Variants in PVT1 observed in about 807,000 individuals in gnomAD.
PVT1 encodes Pvt1 oncogene.
intron 2 of PVT1, among the ~76,000 whole-genome samples, chr8:127,826,014 C>CTTTTTTTTT (rs57575268): frequency 4.1e-4 from 37 of 89,654 alleles, no homozygotes; most frequent in Admixed American, 4.6e-4. Flanking sequence ...CCATGCCCAG[C>CTTTTTTTTT]TTTTTTTTTT....
intron 3 of PVT1, chr8:127,939,770 C>T (rs1286521659): frequency 6.6e-6 from 1 of 152,196 alleles, no homozygotes; most frequent in African/African-American, 2.4e-5. Context: ...GTACATTTTC[C>T]ACATACTTTC....
At chr8:127,985,525 G>C (rs936807632) in intron 3 of PVT1, among the ~76,000 whole-genome samples, 5 of 151,934 alleles carry the variant, frequency 3.3e-5, no homozygotes, top group Non-Finnish European at 5.9e-5. Flanking sequence ...TAACTGGTGG[G>C]GATCAGCTCA....
chr8:127,896,632 T>C (rs1278517202), intron 3 of PVT1, among the ~76,000 whole-genome samples: 1 of 151,834 alleles, frequency 6.6e-6, no homozygotes, highest in African/African-American at 2.4e-5. Context: ...GTATTTATTT[T>C]ATTTTAAGTT....
At chr8:127,859,559 T>C (rs957387108) in intron 2 of PVT1, among the ~76,000 whole-genome samples, 1 of 151,968 alleles carries the variant, frequency 6.6e-6, no homozygotes, top group African/African-American at 2.4e-5. Flanking sequence ...AGGACAGAAA[T>C]ATCCACTGCT....
rs545370027 is a variant in PVT1 at position 127,906,884 on chromosome 8, C to A, written n.782+15886C>A. 3.3e-5 allele frequency among the ~76,000 whole-genome samples: 5 copies of A among 152,008 alleles called. No homozygotes were observed. In the South Asian group the frequency reaches 1.0e-3, roughly 32 times the overall value. Reference sequence around the variant, plus strand: ...TTCATTTTACAGATGTGAAAACAGGCTCGGAGAGGCTGAGACACCCAGCCA... The same window carrying A: ...TTCATTTTACAGATGTGAAAACAGGATCGGAGAGGCTGAGACACCCAGCCA... On this transcript the variant is annotated intron_variant and non_coding_transcript_variant, in intron 3 of 10. Coordinates refer to ENST00000651587, the Ensembl canonical transcript of PVT1.
intron 4 of PVT1, among the ~76,000 whole-genome samples, chr8:127,990,719 G>A (rs145588968): frequency 4.6e-5 from 7 of 152,310 alleles, no homozygotes; most frequent in East Asian, 1.9e-4. Flanking sequence ...TTTCAAAAGC[G>A]CATTTGCGTT....
intron 4 of PVT1, among the ~76,000 whole-genome samples, chr8:128,055,944 T>C (rs1183332395): frequency 6.6e-6 from 1 of 152,150 alleles, no homozygotes; most frequent in Non-Finnish European, 1.5e-5. Context: ...CTCCAACTCT[T>C]GATGGGAGAA....
rs189152877 is a variant in PVT1 at position 127,841,436 on chromosome 8, G to A, written n.372+45365G>A. ...TTACAGGCATGCACCACCACGCTTG[G>A]CTAATTTTTGTATTTTTAGTAGAGA... is the stretch of plus-strand genomic sequence containing the variant. On this transcript the variant is annotated intron_variant and non_coding_transcript_variant, in intron 2 of 10. Coordinates refer to ENST00000651587, the Ensembl canonical transcript of PVT1. 2.6e-5 allele frequency among the ~76,000 whole-genome samples: 4 copies of A among 152,036 alleles called. No homozygotes were observed. In the East Asian group the frequency reaches 7.8e-4, roughly 30 times the overall value.
At chr8:127,916,032 T>G (rs1464313355) in intron 3 of PVT1, among the ~76,000 whole-genome samples, 1 of 152,202 alleles carries the variant, frequency 6.6e-6, no homozygotes, top group Admixed American at 6.5e-5. Flanking sequence ...CACATCCCAC[T>G]TACAGGGGGG....
At chr8:128,060,669 CTT>C (rs1813819371) in intron 4 of PVT1, among the ~76,000 whole-genome samples, 1 of 152,188 alleles carries the variant, frequency 6.6e-6, no homozygotes, top group African/African-American at 2.4e-5. Context: ...ATGCCAAACA[CTT>C]TTGCAGTTAA....
intron 2 of PVT1, among the ~76,000 whole-genome samples, chr8:127,853,190 G>C (rs1055839247): frequency 6.6e-6 from 1 of 152,128 alleles, no homozygotes; most frequent in African/African-American, 2.4e-5. Flanking sequence ...TAATGCAATC[G>C]TGAAAGAACC....
At chr8:127,906,592 A>C (rs1008285458) in intron 3 of PVT1, among the ~76,000 whole-genome samples, 6 of 152,078 alleles carry the variant, frequency 3.9e-5, no homozygotes, top group Non-Finnish European at 8.8e-5. Flanking sequence ...CCCTGCTCCT[A>C]GGGGTTGAGA....
intron 2 of PVT1, among the ~76,000 whole-genome samples, chr8:127,846,261 C>T (rs897925243): frequency 2.0e-5 from 3 of 152,130 alleles, no homozygotes; most frequent in Admixed American, 1.3e-4. Flanking sequence ...CGGTAAGACC[C>T]GGTTACTTGG....
intron 2 of PVT1, among the ~76,000 whole-genome samples, chr8:127,851,320 T>C (rs758138014): frequency 1.3e-5 from 2 of 152,164 alleles, no homozygotes; most frequent in Non-Finnish European, 2.9e-5. Context: ...GTGCACTGTG[T>C]GTGCATGGTA....
chr8:127,867,965 C>T lies in PVT1; in HGVS notation n.373-22624C>T, dbSNP rs892580110. On this transcript the variant is annotated intron_variant and non_coding_transcript_variant, in intron 2 of 10. Transcript: ENST00000651587. ...TAACAAGAGGCAACAGCACAGCCCC[C>T]GGGGCATGAGGCTCCTTCCTCTGTG... 3.3e-5 allele frequency among the ~76,000 whole-genome samples: 5 copies of T among 152,186 alleles called. No homozygotes were observed. In the South Asian group the frequency reaches 6.2e-4, roughly 19 times the overall value.
chr8:128,037,190 A>G (rs918061835), intron 4 of PVT1, among the ~76,000 whole-genome samples: 4 of 152,238 alleles, frequency 2.6e-5, no homozygotes, highest in African/African-American at 9.6e-5. Flanking sequence ...TAGGCCCTGC[A>G]GTCACCACTC....
At chr8:127,874,105 A>T (rs920487363) in intron 2 of PVT1, among the ~76,000 whole-genome samples, 1 of 152,238 alleles carries the variant, frequency 6.6e-6, no homozygotes, top group Admixed American at 6.5e-5. Context: ...GGCGAGGGTT[A>T]TGGAGAAAAT....
At chr8:127,880,534 GA>G (rs1267639956) in intron 2 of PVT1, among the ~76,000 whole-genome samples, 1 of 149,312 alleles carries the variant, frequency 6.7e-6, no homozygotes, top group Non-Finnish European at 1.5e-5. Flanking sequence ...CTGACCTCAT[GA>G]TCCGCCTGTC....
chr8:127,846,838 A>T (rs538958569), intron 2 of PVT1, among the ~76,000 whole-genome samples: 163 of 143,732 alleles, frequency 1.1e-3, no homozygotes, highest in African/African-American at 3.9e-3. Context: ...CACCCAGCAA[A>T]TTTTTTTTTT....
Sources: gnomAD v4.1 joint callset for allele counts (sites outside exome capture counted in the v4.1 genomes callset) on GRCh38, gnomAD v4.1.1 for gene constraint, MANE v1.5 for transcripts, NCBI Gene and HGNC (gene_info 2026-07-23, HGNC 2026-07-21) for gene names.